Variants in TRIM40 observed in about 807,000 individuals in gnomAD.
TRIM40 encodes tripartite motif containing 40, also known as E3 ubiquitin ligase TRIM40.
A neutral mutation model predicts 26.1 loss-of-function variants in TRIM40; 27 were observed. The observed-to-expected ratio is 1.04, with a 90% CI of 0.76 to 1.43. The LOEUF (loss-of-function observed/expected upper bound fraction) is 1.43, where lower values mean the gene tolerates loss of function less well. Ranked by LOEUF, TRIM40 falls within the 40% of genes most tolerant of loss-of-function variation. The pLI, the probability that TRIM40 is intolerant of heterozygous loss-of-function variation, is 0.00. For synonymous variants in TRIM40, 114 were observed against 120.0 expected, an observed-to-expected ratio of 0.95 and a Z score of 0.33; for missense variants, 289 against 307.9, an observed-to-expected ratio of 0.94 and a Z score of 0.46.
intron 2 of TRIM40, among the ~76,000 whole-genome samples, chr6:30,143,104 TTTAG>T (rs139655101): frequency 0.011 from 1,692 of 152,096 alleles, 24 homozygotes; most frequent in African/African-American, 0.034. Context: ...CTTTTGGGGG[TTTAG>T]TTAGTCTTCT....
intron 2 of TRIM40, among the ~76,000 whole-genome samples, chr6:30,142,975 T>G (rs1415418871): frequency 1.3e-5 from 2 of 152,166 alleles, no homozygotes; most frequent in Non-Finnish European, 2.9e-5. Flanking sequence ...TTTTATTACC[T>G]GATATTTTTG....
rs190497177 is a variant in TRIM40, at chr6:30,146,804, G to A, written c.442-181G>A. 4.7e-4 allele frequency among the ~76,000 whole-genome samples: 72 copies of A among 152,336 alleles called. 2 individuals are homozygous for A. In the East Asian group the frequency reaches 0.014, roughly 29 times the overall value. Reference sequence around the variant, plus strand: ...GATATTCAGAGAGTGAGGTGGAAAGGTGAGGTGTCCCTGCCTTTATGAGAA... The same window carrying A: ...GATATTCAGAGAGTGAGGTGGAAAGATGAGGTGTCCCTGCCTTTATGAGAA... On this transcript the variant is annotated intron_variant, in intron 3 of 5. Transcript: ENST00000396581.
chr6:30,140,404 G>A (rs1314997138), intron 2 of TRIM40, among the ~76,000 whole-genome samples: 1 of 152,138 alleles, frequency 6.6e-6, no homozygotes, highest in East Asian at 1.9e-4. Flanking sequence ...AAACAGATGA[G>A]TTCACGTCCT....
chr6:30,140,697 G>A (rs900000499), intron 2 of TRIM40, among the ~76,000 whole-genome samples: 24 of 152,086 alleles, frequency 1.6e-4, no homozygotes, highest in Non-Finnish European at 1.8e-4. Flanking sequence ...CTGTCCATGT[G>A]CCCCAGAACT....
intron 4 of TRIM40, 145 bp downstream of exon 4, chr6:30,147,354 C>A: frequency 7.4e-7 from 1 of 1,359,984 alleles, no homozygotes; most frequent in Non-Finnish European, 1.0e-6. Flanking sequence ...TTCCAGGCTA[C>A]AGAGTGCTGC....
At chr6:30,144,639 G>A (rs926672647) in intron 2 of TRIM40, among the ~76,000 whole-genome samples, 1 of 152,174 alleles carries the variant, frequency 6.6e-6, no homozygotes, top group African/African-American at 2.4e-5. Flanking sequence ...GTACAGAAAG[G>A]CACCTGCGGA....
rs138349884 is a variant in TRIM40, at chr6:30,142,811, C to T, written c.346-3183C>T. On this transcript the variant is annotated intron_variant, in intron 2 of 5. Transcript: ENST00000396581. ...TAACAGTGAGTCCTTTCCACATTTA[C>T]GTGTTGTTTCTCGCTTGACATCAAT... Among the ~76,000 whole-genome samples, 471 of 151,280 alleles carry T rather than the reference C, an allele frequency of 3.1e-3. 3 individuals are homozygous for T. The highest frequency in any genetic ancestry group is 5.2e-3 in the Non-Finnish European group (352 of 67,816).
In TRIM40 at chr6:30,146,999, C is replaced by A; in HGVS notation, c.456C>A (p.His152Gln). The A allele has an allele frequency of 6.3e-7, 1 of 1,597,826 alleles. No homozygotes were observed. The highest frequency in any genetic ancestry group is 8.5e-7 in the Non-Finnish European group (1 of 1,172,480). Residue 152 changes from histidine to glutamine, a missense_variant, in exon 4 of 6, where the codon CAC becomes CAA. Coordinates refer to ENST00000396581, the MANE Select transcript of TRIM40 (RefSeq NM_001286633.2). ...CTTTCCTGTAGTTTCAGGTAGACCA[C>A]GGGAACCACAGGCTGGAGGCTGGGC... ...KLQALQFQVD[H>Q]GNHRLEAGPE...
At chr6:30,145,488 T>C (rs1373908550) in intron 2 of TRIM40, among the ~76,000 whole-genome samples, 3 of 152,146 alleles carry the variant, frequency 2.0e-5, no homozygotes, top group African/African-American at 7.2e-5. Flanking sequence ...AGATGCTGAT[T>C]TAAGATTGAG....
intron 2 of TRIM40, among the ~76,000 whole-genome samples, chr6:30,138,160 T>C (rs1007780165): frequency 2.0e-5 from 3 of 152,208 alleles, no homozygotes; most frequent in Non-Finnish European, 4.4e-5. Context: ...GCTTGAACAT[T>C]TTCTCATCAG....
At chr6:30,146,491 A>G (rs1312770831) in intron 3 of TRIM40, among the ~76,000 whole-genome samples, 1 of 151,738 alleles carries the variant, frequency 6.6e-6, no homozygotes, top group Non-Finnish European at 1.5e-5. Context: ...CGCTCACTGC[A>G]AGCTCCGCCT....
intron 2 of TRIM40, among the ~76,000 whole-genome samples, chr6:30,144,535 G>C (rs377289066): frequency 1.3e-5 from 2 of 152,254 alleles, no homozygotes; most frequent in South Asian, 2.1e-4. Context: ...GGGTTGAGGA[G>C]CCAACTTCAA....
Position 30,147,387 on chromosome 6 carries a change from AG to A in TRIM40, c.667-129del. On this transcript the variant is annotated intron_variant, in intron 4 of 5. Coordinates refer to ENST00000396581, the MANE Select transcript of TRIM40 (RefSeq NM_001286633.2). The stretch of plus-strand genomic sequence containing the variant: ...TGCTGCAGCAGAATGGGCACAGAAG[AG>A]GGGTGTTGCTATGTTCCCCCAGTTC... 6 of 1,419,776 alleles carry A rather than the reference AG, an allele frequency of 4.2e-6. 1 individual carries two copies. The highest frequency in any genetic ancestry group is 1.8e-4 in the Middle Eastern group (1 of 5,550). 87.9% of individuals were successfully genotyped at this position (1,419,776 alleles called of 1,614,324 possible). A position where few individuals can be genotyped will look rare whatever the true frequency, so the allele number is the denominator to read the frequency against.
At chr6:30,142,853 G>A (rs1291875536) in intron 2 of TRIM40, among the ~76,000 whole-genome samples, 2 of 151,302 alleles carry the variant, frequency 1.3e-5, no homozygotes, top group Non-Finnish European at 2.9e-5. Context: ...CTCATGATGG[G>A]CTGTTTTTTT....
Position 30,146,140 on chromosome 6 carries a change from CCTTA to C in TRIM40, c.441+56_441+59del, listed in dbSNP as rs780488287. 8.0e-5 allele frequency: 114 copies of C among 1,419,838 alleles called. No individual in the cohort carries two copies. The East Asian group carries it at 2.3e-3, about 29-fold the overall frequency. 88.0% of individuals were successfully genotyped at this position (1,419,838 alleles called of 1,614,324 possible). A position where few individuals can be genotyped will look rare whatever the true frequency, so the allele number is the denominator to read the frequency against. ...GACTCCCTGGAGTGTTCTCAGGAGC[CCTTA>C]CTTAACTATTCTGGACATCTGTCTG... On this transcript the variant is annotated intron_variant, in intron 3 of 5. Coordinates refer to ENST00000396581, the MANE Select transcript of TRIM40 (RefSeq NM_001286633.2).
At chr6:30,142,316 C>T (rs1264716945) in intron 2 of TRIM40, among the ~76,000 whole-genome samples, 2 of 152,114 alleles carry the variant, frequency 1.3e-5, no homozygotes, top group Non-Finnish European at 1.5e-5. Context: ...ATGTATTTTG[C>T]TGGTTTAGTA....
At position 30,147,171 on chromosome 6, in the gene TRIM40, G is replaced by A; in HGVS notation, c.628G>A (p.Glu210Lys). 6.2e-7 allele frequency: 1 copy of A among 1,614,232 alleles called. No homozygotes were observed. The highest frequency in any genetic ancestry group is 8.5e-7 in the Non-Finnish European group (1 of 1,180,032). Residue 210 changes from glutamate (E) to lysine (K), a missense_variant, in exon 4 of 6, where the codon GAA becomes AAA. By Grantham distance (56) the Glu-to-Lys change is moderately conservative (BLOSUM62 1). Transcript: ENST00000396581. ...GCTCAGAAGCCTGGTCATTGATCTG[G>A]AAAGGACGGCCAAGGAATTAGACAC... ...TQLRSLVIDL[E>K]RTAKELDTNT...
intron 2 of TRIM40, among the ~76,000 whole-genome samples, chr6:30,142,788 A>C (rs1236526051): frequency 1.3e-5 from 2 of 151,852 alleles, no homozygotes; most frequent in Non-Finnish European, 2.9e-5. Context: ...TATTTATATA[A>C]CAGTGAGTCC....
At position 30,147,987 on chromosome 6, in the gene TRIM40, A is replaced by G. The variant is rs1771776919; in HGVS notation, c.*175A>G. The G allele has an allele frequency of 4.9e-6, 3 of 613,612 alleles. No homozygotes were observed. The highest frequency in any genetic ancestry group is 3.7e-5 in the African/African-American group (2 of 54,026). The allele number at this position is 613,612 out of a possible 1,614,324, so 38.0% of individuals were successfully genotyped here. On this transcript the variant is annotated 3_prime_UTR_variant, in exon 6 of 6. Transcript: ENST00000396581. ...TCATCACCTGATGCCTGACCCTCTG[A>G]CTCTTGGACGATAGCCAGCCTCCTT...
Sources: allele counts gnomAD v4.1 joint callset (sites outside exome capture counted in the v4.1 genomes callset), GRCh38; gene constraint gnomAD v4.1.1; transcripts MANE v1.5; gene names NCBI Gene and HGNC (gene_info 2026-07-23, HGNC 2026-07-21).